KIRREL3: variants seen among roughly 807,000 people sequenced by gnomAD.
KIRREL3 encodes the protein kirre like nephrin family adhesion molecule 3.
KIRREL3 carries 36 observed loss-of-function variants against 89.7 expected under a neutral mutation model. The observed-to-expected ratio is 0.40, with a 90% confidence interval of 0.31 to 0.53. The LOEUF (loss-of-function observed/expected upper bound fraction) is 0.53. Ranked by LOEUF, KIRREL3 falls within the 20% of genes least tolerant of loss-of-function variation. KIRREL3 has a pLI of 0.49. For synonymous variants in KIRREL3, 445 were observed against 441.4 expected, an observed-to-expected ratio of 1.01 and a Z score of -0.10; for missense variants, 864 against 1,056.6, an observed-to-expected ratio of 0.82 and a Z score of 2.53.
At chr11:126,480,899 C>T (rs747582010) in intron 4 of KIRREL3, among the ~76,000 whole-genome samples, 6 of 152,210 alleles carry the variant, frequency 3.9e-5, no homozygotes, top group Non-Finnish European at 8.8e-5. Flanking sequence ...TTCCGGTTTC[C>T]TCACGTATAC....
chr11:126,841,021 T>A (rs773113348), intron 1 of KIRREL3, among the ~76,000 whole-genome samples: 7 of 152,244 alleles, frequency 4.6e-5, no homozygotes, highest in Non-Finnish European at 8.8e-5. Flanking sequence ...CAGCATATTG[T>A]TATTGTTCTA....
At chr11:126,950,394 C>CA (rs1433987121) in intron 1 of KIRREL3, among the ~76,000 whole-genome samples, 4 of 151,392 alleles carry the variant, frequency 2.6e-5, no homozygotes, top group South Asian at 2.1e-4. Flanking sequence ...AACAAACAAA[C>CA]AAACAAAACC....
At chr11:126,667,572 A>G (rs978537156) in intron 1 of KIRREL3, among the ~76,000 whole-genome samples, 1 of 152,138 alleles carries the variant, frequency 6.6e-6, no homozygotes, top group Non-Finnish European at 1.5e-5. Flanking sequence ...CACCATGGCT[A>G]TAATAACTTC....
rs1956576714 is a variant in KIRREL3, at chr11:126,462,416, G to C, written c.742+741C>G. ...GAAGTGGCTCACATCTGTAATCCCAGCACTTTAGGAGGCCAAGGCGGGCGG... is the reference window on the plus strand; with the variant it reads ...GAAGTGGCTCACATCTGTAATCCCACCACTTTAGGAGGCCAAGGCGGGCGG... On this transcript the variant is annotated intron_variant, in intron 6 of 16. Transcript: ENST00000525144. This position sits in a 1 kb window ranked among gnomAD's most constrained non-coding sequence, Gnocchi z 4.8. 6.6e-6 allele frequency among the ~76,000 whole-genome samples: 1 copy of C among 152,200 alleles called. No homozygotes were observed. The highest frequency in any genetic ancestry group is 1.5e-5 in the Non-Finnish European group (1 of 68,034).
chr11:126,713,905 A>G (rs546022466), intron 1 of KIRREL3, among the ~76,000 whole-genome samples: 1 of 152,284 alleles, frequency 6.6e-6, no homozygotes, highest in African/African-American at 2.4e-5. Flanking sequence ...GGAGGACCTA[A>G]AAGACCAGTC....
chr11:126,779,740 C>A (rs1422563168), intron 1 of KIRREL3, among the ~76,000 whole-genome samples: 4 of 152,102 alleles, frequency 2.6e-5, no homozygotes, highest in Non-Finnish European at 2.9e-5. Flanking sequence ...CTAGCCATTG[C>A]AGGGCTCTGT....
In KIRREL3 at chr11:126,797,558, T is replaced by C. The variant is rs1482300974; in HGVS notation, c.55+202897A>G. ...CTCTGAGGGGGCACTAGAGTTTTATTAGTGGCTTACCATGGCACTTAGTCC... is the reference window on the plus strand; with the variant it reads ...CTCTGAGGGGGCACTAGAGTTTTATCAGTGGCTTACCATGGCACTTAGTCC... On this transcript the variant is annotated intron_variant, in intron 1 of 16. Transcript: ENST00000525144. The surrounding 1 kb of genome is among the most constrained non-coding windows in gnomAD (Gnocchi z 4.9). 6.6e-6 allele frequency among the ~76,000 whole-genome samples: 1 copy of C among 152,042 alleles called. No individual in the cohort carries two copies. Among genetic ancestry groups the C allele is most frequent in the Non-Finnish European group, 1.5e-5 (1 of 68,004 alleles).
chr11:126,665,233 G>A lies in KIRREL3; in HGVS notation c.56-102321C>T, dbSNP rs1414111199. On this transcript the variant is annotated intron_variant, in intron 1 of 16. Coordinates refer to ENST00000525144, the MANE Select transcript of KIRREL3 (RefSeq NM_032531.4). ...AGCTAATAGTCTGGGAATGGTGTCTGCAGGATGATGCAGTTGACACATTCT... is the reference window on the plus strand; with the variant it reads ...AGCTAATAGTCTGGGAATGGTGTCTACAGGATGATGCAGTTGACACATTCT... Among the ~76,000 whole-genome samples the A allele has an allele frequency of 6.6e-5, 10 of 152,194 alleles. 1 individual carries two copies. Among genetic ancestry groups the A allele is most frequent in the Admixed American group, 6.5e-4 (10 of 15,280 alleles).
In KIRREL3 at chr11:126,612,549, TAGAC is replaced by T. The variant is rs1360670879; in HGVS notation, c.56-49641_56-49638del. Among the ~76,000 whole-genome samples the T allele has an allele frequency of 1.3e-5, 2 of 152,234 alleles. No individual in the cohort carries two copies. The highest frequency in any genetic ancestry group is 2.9e-5 in the Non-Finnish European group (2 of 68,044). On this transcript the variant is annotated intron_variant, in intron 1 of 16. Transcript: ENST00000525144. The surrounding 1 kb of genome is among the most constrained non-coding windows in gnomAD (Gnocchi z 4.5). ...TAACATAACATTTTCCCCTTTAAAA[TAGAC>T]AGTTCAGTAGTTTTAAGTATATTTA...
In KIRREL3 at chr11:126,880,140, C is replaced by G. The variant is rs539609152; in HGVS notation, c.55+120315G>C. Among the ~76,000 whole-genome samples, 6 of 152,312 alleles carry G rather than the reference C, an allele frequency of 3.9e-5. No homozygotes were observed. In the South Asian group the frequency reaches 6.2e-4, roughly 16 times the overall value. Reference sequence around the variant, plus strand: ...CCTTAAGTATCCTGGAAAGGCTTTGCCTATTTGACCTTGGGTGCGGCTGTA... The same window carrying G: ...CCTTAAGTATCCTGGAAAGGCTTTGGCTATTTGACCTTGGGTGCGGCTGTA... On this transcript the variant is annotated intron_variant, in intron 1 of 16. Coordinates refer to ENST00000525144, the MANE Select transcript of KIRREL3 (RefSeq NM_032531.4).
intron 7 of KIRREL3, among the ~76,000 whole-genome samples, chr11:126,450,937 G>GCA (rs1361247353): frequency 6.6e-6 from 1 of 151,596 alleles, no homozygotes; most frequent in Non-Finnish European, 1.5e-5. Context: ...GTGCATGTGT[G>GCA]TGGGCGTGTG....
At chr11:126,827,276 C>G (rs1361208928) in intron 1 of KIRREL3, among the ~76,000 whole-genome samples, 2 of 151,890 alleles carry the variant, frequency 1.3e-5, no homozygotes, top group Admixed American at 1.3e-4. Flanking sequence ...CTCCCATGTT[C>G]AAGTGAGTCT....
rs1319902035 is a variant in KIRREL3 at position 126,686,738 on chromosome 11, C to T, written c.56-123826G>A. Among the ~76,000 whole-genome samples, 2 of 152,058 alleles carry T rather than the reference C, an allele frequency of 1.3e-5. No individual in the cohort carries two copies. Among genetic ancestry groups the T allele is most frequent in the Non-Finnish European group, 2.9e-5 (2 of 68,014 alleles). ...GGGATTATAAGTGTCTGCTCCCACC[C>T]CTGGCTAATTTCTGTATTTTTAGTA... On this transcript the variant is annotated intron_variant, in intron 1 of 16. Transcript: ENST00000525144. The surrounding 1 kb of genome is among the most constrained non-coding windows in gnomAD (Gnocchi z 4.7).
intron 1 of KIRREL3, among the ~76,000 whole-genome samples, chr11:126,829,369 T>C (rs981915557): frequency 1.3e-5 from 2 of 152,324 alleles, no homozygotes; most frequent in South Asian, 4.1e-4. Flanking sequence ...GGGTACACCA[T>C]TCATGAATCA....
chr11:126,572,386 G>A (rs377469091), intron 1 of KIRREL3, among the ~76,000 whole-genome samples: 1 of 152,218 alleles, frequency 6.6e-6, no homozygotes, highest in South Asian at 2.1e-4. Context: ...TTGCTGTACA[G>A]GTGAGGCTCA....
chr11:126,478,562 T>C (rs984376875), intron 4 of KIRREL3, among the ~76,000 whole-genome samples: 3 of 152,050 alleles, frequency 2.0e-5, no homozygotes, highest in Non-Finnish European at 2.9e-5. Context: ...TATGTGTGTA[T>C]GTGTATATAT....
intron 1 of KIRREL3, among the ~76,000 whole-genome samples, chr11:126,857,783 G>GT (rs374376909): frequency 0.012 from 130 of 10,944 alleles, 4 homozygotes; most frequent in Middle Eastern, 0.042. Context: ...TTCAGGCTGT[G>GT]GGGGTGGGGT....
At chr11:126,857,517 C>T (rs894032879) in intron 1 of KIRREL3, among the ~76,000 whole-genome samples, 3 of 152,130 alleles carry the variant, frequency 2.0e-5, no homozygotes, top group Non-Finnish European at 4.4e-5. Flanking sequence ...TGGCATCATC[C>T]CTGTCTCTAT....
chr11:126,455,753 C>T lies in KIRREL3; in HGVS notation c.848+596G>A, dbSNP rs925473723. ...AGAGCTTGCCAGTGAGCTGAGATCA[C>T]GCCACTGCACTCCAGCCTGGGTGAC... On this transcript the variant is annotated intron_variant, in intron 7 of 16. Coordinates refer to ENST00000525144, the MANE Select transcript of KIRREL3 (RefSeq NM_032531.4). This position sits in a 1 kb window ranked among gnomAD's most constrained non-coding sequence, Gnocchi z 6.4. Among the ~76,000 whole-genome samples, 35 of 152,246 alleles carry T rather than the reference C, an allele frequency of 2.3e-4. No individual in the cohort carries two copies. The highest frequency in any genetic ancestry group is 1.8e-3 in the Admixed American group (28 of 15,300).
Sources: gnomAD v4.1 joint callset for allele counts (sites outside exome capture counted in the v4.1 genomes callset) on GRCh38, gnomAD v4.1.1 for gene constraint, Gnocchi (gnomAD v3.1) non-coding constraint, MANE v1.5 for transcripts, NCBI Gene and HGNC (gene_info 2026-07-23, HGNC 2026-07-21) for gene names.